The following CSMD1 variants were observed in gnomAD, a reference collection of about 807,000 sequenced individuals.
The protein encoded by CSMD1 is CUB and Sushi multiple domains 1.
Under a neutral mutation model 417.5 loss-of-function variants are expected in CSMD1, and 213 were observed. The observed-to-expected ratio is 0.51, with a 90% CI of 0.46 to 0.57. The LOEUF is 0.57. CSMD1 is among the 20% of genes least tolerant of loss of function. The pLI is 0.00. For missense variants in CSMD1, 6,923 were observed against 4,529.7 expected (o/e 1.53, Z -15.17); for synonymous variants, 2,862 against 1,736.8 (o/e 1.65, Z -16.11).
chr8:4,065,793 A>G (rs1277249643), intron 3 of CSMD1, among the ~76,000 whole-genome samples: 2 of 152,356 alleles, frequency 1.3e-5, no homozygotes, highest in South Asian at 2.1e-4. Context: ...AGAATTCCAG[A>G]AAATAACTGT....
At chr8:3,135,356 T>G (rs1346845916) in intron 41 of CSMD1, among the ~76,000 whole-genome samples, 1 of 152,230 alleles carries the variant, frequency 6.6e-6, no homozygotes, top group Non-Finnish European at 1.5e-5. Context: ...CCATGGCATA[T>G]GTATTATGTT....
At chr8:3,726,513 C>A (rs756448140) in intron 6 of CSMD1, among the ~76,000 whole-genome samples, 14 of 152,206 alleles carry the variant, frequency 9.2e-5, no homozygotes, top group Non-Finnish European at 1.6e-4. Flanking sequence ...CAACTCTGAA[C>A]ACCTTTATTC....
intron 23 of CSMD1, among the ~76,000 whole-genome samples, chr8:3,336,027 C>T (rs1414433308): frequency 2.0e-5 from 3 of 152,120 alleles, no homozygotes; most frequent in Non-Finnish European, 4.4e-5. Context: ...ACATTTCTCC[C>T]ATAGGACTGT....
At chr8:4,985,069 G>C (rs911761142) in intron 1 of CSMD1, among the ~76,000 whole-genome samples, 1 of 152,140 alleles carries the variant, frequency 6.6e-6, no homozygotes, top group Non-Finnish European at 1.5e-5. Context: ...CAGGGACGTG[G>C]GTGGAGCTGG....
chr8:4,275,467 T>C (rs957138668), intron 3 of CSMD1, among the ~76,000 whole-genome samples: 2 of 152,114 alleles, frequency 1.3e-5, no homozygotes, highest in African/African-American at 4.8e-5. Context: ...ATTTTACGTG[T>C]AGATCACAGA....
chr8:2,986,962 A>G (rs948838901), intron 54 of CSMD1, among the ~76,000 whole-genome samples: 1 of 152,176 alleles, frequency 6.6e-6, no homozygotes, highest in Non-Finnish European at 1.5e-5. Flanking sequence ...GAAGTGGCAT[A>G]TGCAAATTCT....
chr8:3,236,863 T>G (rs571587904), intron 26 of CSMD1, among the ~76,000 whole-genome samples: 1 of 152,146 alleles, frequency 6.6e-6, no homozygotes, highest in Non-Finnish European at 1.5e-5. Context: ...GGCAGCGCTG[T>G]TCCTGAGATT....
intron 12 of CSMD1, among the ~76,000 whole-genome samples, chr8:3,443,187 G>C (rs530489525): frequency 2.0e-5 from 3 of 152,098 alleles, no homozygotes; most frequent in Non-Finnish European, 4.4e-5. Context: ...AAATGTGAGA[G>C]GATACACGCA....
At chr8:3,410,801 TG>T (rs1378546179) in intron 12 of CSMD1, among the ~76,000 whole-genome samples, 9 of 152,156 alleles carry the variant, frequency 5.9e-5, no homozygotes, top group Admixed American at 5.9e-4. Flanking sequence ...TGCAGTGATG[TG>T]ATCATAGCTC....
rs1326569405 is a variant in CSMD1 at position 3,230,126 on chromosome 8, C to G, written c.4259G>C (p.Gly1420Ala). The change falls in exon 27 of 70, where the codon GGC becomes GCC. Residue 1420 changes from glycine (G) to alanine (A), a missense_variant. Transcript: ENST00000635120. ...TTTGGCTTGTCCTTGGAGCTGATAG[C>G]CAGGGTCACACTGGAATGTGACGGT... Reference protein sequence around the residue: ...GDTVTFQCDPGYQLQGQAKIT... With the variant: ...GDTVTFQCDPAYQLQGQAKIT... 1.2e-6 allele frequency: 2 copies of G among 1,613,680 alleles called. No homozygotes were observed. Among genetic ancestry groups the G allele is most frequent in the Non-Finnish European group, 1.7e-6 (2 of 1,179,758 alleles).
intron 3 of CSMD1, among the ~76,000 whole-genome samples, chr8:4,176,949 A>G (rs1798081670): frequency 6.6e-6 from 1 of 151,158 alleles, no homozygotes; most frequent in Admixed American, 6.6e-5. Context: ...AGTGACCTAC[A>G]AAGAGACTTA....
At chr8:3,453,520 C>T (rs1815892885) in intron 12 of CSMD1, among the ~76,000 whole-genome samples, 1 of 152,086 alleles carries the variant, frequency 6.6e-6, no homozygotes, top group South Asian at 2.1e-4. Flanking sequence ...TGTCTTTGTT[C>T]TCATTGGTTT....
intron 50 of CSMD1, among the ~76,000 whole-genome samples, chr8:3,044,135 T>C (rs1811285793): frequency 6.6e-6 from 1 of 152,206 alleles, no homozygotes; most frequent in African/African-American, 2.4e-5. Flanking sequence ...AAGGAAACAC[T>C]TATAATATTC....
chr8:4,085,910 T>C (rs1800394178), intron 3 of CSMD1, among the ~76,000 whole-genome samples: 1 of 152,256 alleles, frequency 6.6e-6, no homozygotes, highest in South Asian at 2.1e-4. Flanking sequence ...ATGTTACCAT[T>C]GCGTAAGGAT....
intron 1 of CSMD1, among the ~76,000 whole-genome samples, chr8:4,663,529 A>G (rs530743904): frequency 6.6e-6 from 1 of 152,224 alleles, no homozygotes; most frequent in Non-Finnish European, 1.5e-5. Flanking sequence ...CTGATAGTGC[A>G]TGCTAGTGAG....
rs370329063 is a variant in CSMD1, at chr8:3,399,459, C to T, written c.2337G>A (p.Lys779=). 1.6e-5 allele frequency: 26 copies of T among 1,609,942 alleles called. No homozygotes were observed. Among genetic ancestry groups the T allele is most frequent in the Non-Finnish European group, 2.1e-5 (25 of 1,178,154 alleles). The change falls in exon 16 of 70, where the codon AAG becomes AAA. Residue 779 remains lysine (K), a synonymous_variant. Transcript: ENST00000635120. The part of the protein sequence containing the change: ...ILPPGWPGYY[K]DSLHCEWIIE... ...TTATCCATTCACAATGTAAAGAATCCTTATAATATCCTGGCCATCCAGGAG... is the reference window on the plus strand; with the variant it reads ...TTATCCATTCACAATGTAAAGAATCTTTATAATATCCTGGCCATCCAGGAG...
intron 7 of CSMD1, among the ~76,000 whole-genome samples, chr8:3,649,294 A>C (rs1797728615): frequency 6.6e-6 from 1 of 152,246 alleles, no homozygotes; most frequent in Non-Finnish European, 1.5e-5. Flanking sequence ...AACCAAGAAA[A>C]AAACATGAAA....
rs550299879 is a variant in CSMD1, at chr8:4,398,663, G to A, written c.415+21290C>T. ...GCCCCTCTTGGCCTCCCAAAGTGCTGGGATTACAGGCATGAGCCATCACAC... is the reference window on the plus strand; with the variant it reads ...GCCCCTCTTGGCCTCCCAAAGTGCTAGGATTACAGGCATGAGCCATCACAC... On this transcript the variant is annotated intron_variant, in intron 3 of 69. Coordinates refer to ENST00000635120, the MANE Select transcript of CSMD1 (RefSeq NM_033225.6). Among the ~76,000 whole-genome samples, 215 of 152,120 alleles carry A rather than the reference G, an allele frequency of 1.4e-3. 2 individuals carry two copies. Among genetic ancestry groups the A allele is most frequent in the Middle Eastern group, 3.4e-3 (1 of 294 alleles).
intron 2 of CSMD1, among the ~76,000 whole-genome samples, chr8:4,535,660 T>C (rs1373280652): frequency 1.3e-5 from 2 of 152,164 alleles, no homozygotes; most frequent in Non-Finnish European, 2.9e-5. Flanking sequence ...CCAAAGACCT[T>C]GATTCAGCCA....
Sources: allele counts gnomAD v4.1 joint callset (sites outside exome capture counted in the v4.1 genomes callset), GRCh38; gene constraint gnomAD v4.1.1; transcripts MANE v1.5; gene names NCBI Gene and HGNC (gene_info 2026-07-23, HGNC 2026-07-21).